Variants in GALNT17 observed in about 807,000 individuals in gnomAD.
GALNT17 encodes UDP-GalNAc:polypeptide N-acetylgalactosaminyltransferase-like 3.
GALNT17 carries 29 observed loss-of-function variants against 63.7 expected under a neutral mutation model. The ratio of observed to expected loss-of-function variants is 0.46; its 90% CI spans 0.34 to 0.62. The LOEUF is 0.62. Ranked by LOEUF, GALNT17 falls within the 20% of genes least tolerant of loss-of-function variation. The pLI, the probability that GALNT17 is intolerant of heterozygous loss-of-function variation, is 0.01. For synonymous variants in GALNT17, 305 were observed against 318.3 expected (o/e 0.96, Z 0.45); for missense variants, 603 against 799.6 (o/e 0.75, Z 2.97).
rs146522868 is a variant in GALNT17 at position 71,380,997 on chromosome 7, G to A, written c.423-7238G>A. Among the ~76,000 whole-genome samples, 1,162 of 151,436 alleles carry A rather than the reference G, an allele frequency of 7.7e-3. 14 individuals carry two copies. Among genetic ancestry groups the A allele is most frequent in the African/African-American group, 0.026 (1,091 of 41,254 alleles). ...TTTTTTTAAGACAGGATCTCGCTCCGTCACCCAGGCTGGAGTGCAGAGGCG... is the reference window on the plus strand; with the variant it reads ...TTTTTTTAAGACAGGATCTCGCTCCATCACCCAGGCTGGAGTGCAGAGGCG... On this transcript the variant is annotated intron_variant, in intron 2 of 10. Coordinates refer to ENST00000333538, the MANE Select transcript of GALNT17 (RefSeq NM_022479.3).
intron 6 of GALNT17, among the ~76,000 whole-genome samples, chr7:71,584,197 TAC>T (rs1789681658): frequency 6.6e-6 from 1 of 152,206 alleles, no homozygotes; most frequent in African/African-American, 2.4e-5. Context: ...CTAAATTTTA[TAC>T]AGTCTGGAAA....
At chr7:71,418,038 G>A (rs866273338) in intron 4 of GALNT17, among the ~76,000 whole-genome samples, 8 of 152,144 alleles carry the variant, frequency 5.3e-5, no homozygotes, top group Non-Finnish European at 1.0e-4. Context: ...CATATCCCTG[G>A]TGCTGTTCTA....
intron 1 of GALNT17, among the ~76,000 whole-genome samples, chr7:71,214,176 C>T (rs1015255929): frequency 6.6e-6 from 1 of 152,092 alleles, no homozygotes; most frequent in African/African-American, 2.4e-5. Flanking sequence ...GGAAGTAATT[C>T]CAGAAGTGAA....
At chr7:71,675,644 A>G (rs887371110) in intron 8 of GALNT17, among the ~76,000 whole-genome samples, 2 of 152,062 alleles carry the variant, frequency 1.3e-5, no homozygotes, top group African/African-American at 4.8e-5. Context: ...GAAAGAATTT[A>G]AAAATCTGCT....
intron 1 of GALNT17, among the ~76,000 whole-genome samples, chr7:71,192,134 G>A (rs1217206012): frequency 2.0e-5 from 3 of 152,150 alleles, no homozygotes; most frequent in Non-Finnish European, 4.4e-5. Flanking sequence ...CATCCAGCAC[G>A]AGAGAAAGAT....
intron 5 of GALNT17, among the ~76,000 whole-genome samples, chr7:71,452,920 T>G (rs1401672101): frequency 2.0e-5 from 3 of 152,220 alleles, no homozygotes; most frequent in South Asian, 4.1e-4. Context: ...TTTTTCTCCA[T>G]CTGCCTTAAC....
chr7:71,204,968 A>T (rs1487121029), intron 1 of GALNT17, among the ~76,000 whole-genome samples: 2 of 150,846 alleles, frequency 1.3e-5, no homozygotes, highest in African/African-American at 4.9e-5. Context: ...CTGGTCTCGA[A>T]CTCCTGACCT....
intron 1 of GALNT17, among the ~76,000 whole-genome samples, chr7:71,168,884 T>C (rs959436431): frequency 9.2e-5 from 14 of 152,210 alleles, no homozygotes; most frequent in African/African-American, 3.4e-4. Flanking sequence ...GGATAAACTC[T>C]ACCTGTCCAT....
chr7:71,592,908 A>G (rs918899668), intron 6 of GALNT17, among the ~76,000 whole-genome samples: 8 of 152,212 alleles, frequency 5.3e-5, no homozygotes, highest in Non-Finnish European at 1.0e-4. Flanking sequence ...GTGCTTTGGG[A>G]GGGAGAGGTG....
chr7:71,646,692 C>T (rs1221342452), intron 6 of GALNT17, among the ~76,000 whole-genome samples: 1 of 151,824 alleles, frequency 6.6e-6, no homozygotes, highest in African/African-American at 2.4e-5. Context: ...TGAGTTGCCT[C>T]CTGCCACAGA....
chr7:71,270,795 GT>G (rs1263552947), intron 1 of GALNT17, among the ~76,000 whole-genome samples: 1 of 151,838 alleles, frequency 6.6e-6, no homozygotes, highest in Admixed American at 6.6e-5. Flanking sequence ...CTTAGCTTTG[GT>G]TTAAGCTGTT....
chr7:71,577,689 A>G (rs1789561459), intron 6 of GALNT17, among the ~76,000 whole-genome samples: 1 of 152,188 alleles, frequency 6.6e-6, no homozygotes, highest in Non-Finnish European at 1.5e-5. Context: ...GAACAAGCGT[A>G]TTTTAATTTG....
intron 5 of GALNT17, among the ~76,000 whole-genome samples, chr7:71,497,413 C>G (rs956725864): frequency 6.6e-6 from 1 of 152,218 alleles, no homozygotes; most frequent in Admixed American, 6.5e-5. Context: ...TGTCTTCTCT[C>G]TGGGGCCTCA....
At chr7:71,699,433 G>A (rs1286620632) in intron 9 of GALNT17, among the ~76,000 whole-genome samples, 5 of 146,002 alleles carry the variant, frequency 3.4e-5, no homozygotes, top group African/African-American at 1.0e-4. Flanking sequence ...CCGAGATTGC[G>A]CCACTGCGCT....
chr7:71,696,941 T>C (rs1024770834), intron 9 of GALNT17, among the ~76,000 whole-genome samples: 6 of 152,162 alleles, frequency 3.9e-5, no homozygotes, highest in Non-Finnish European at 5.9e-5. Flanking sequence ...GACACATTTA[T>C]AAAATACGAG....
chr7:71,282,372 A>G (rs757716117), intron 1 of GALNT17, among the ~76,000 whole-genome samples: 1 of 152,228 alleles, frequency 6.6e-6, no homozygotes, highest in East Asian at 1.9e-4. Context: ...ACACAGCAGA[A>G]TGAAGGAACA....
chr7:71,430,137 G>A (rs574643609), intron 5 of GALNT17, among the ~76,000 whole-genome samples: 1 of 152,054 alleles, frequency 6.6e-6, no homozygotes, highest in Admixed American at 6.6e-5. Context: ...AAGAGCCACT[G>A]CACCTGACCC....
intron 1 of GALNT17, among the ~76,000 whole-genome samples, chr7:71,166,476 T>A (rs1161928684): frequency 1.3e-5 from 2 of 152,206 alleles, no homozygotes; most frequent in African/African-American, 4.8e-5. Flanking sequence ...CCCAAAAGAC[T>A]GTGCCTCGAC....
In GALNT17 at chr7:71,296,704, GA is replaced by G. The variant is rs138874755; in HGVS notation, c.239-38836del. 7.4e-4 allele frequency among the ~76,000 whole-genome samples: 109 copies of G among 146,456 alleles called. No individual in the cohort carries two copies. The East Asian group carries it at 9.4e-3, about 13-fold the overall frequency. ...ATATAAATTTGGCCTTAAGAACCAA[GA>G]AAAAAAAAACGTGTTTTTTTTTAGA... is the stretch of plus-strand genomic sequence containing the variant. On this transcript the variant is annotated intron_variant, in intron 1 of 10. Coordinates refer to ENST00000333538, the MANE Select transcript of GALNT17 (RefSeq NM_022479.3).
Sources: gnomAD v4.1 joint callset for allele counts (sites outside exome capture counted in the v4.1 genomes callset) on GRCh38, gnomAD v4.1.1 for gene constraint, MANE v1.5 for transcripts, NCBI Gene and HGNC (gene_info 2026-07-23, HGNC 2026-07-21) for gene names.